NR3C1: variants seen among roughly 807,000 people sequenced by gnomAD.
NR3C1 encodes the protein glucocorticoid receptor.
In NR3C1, 14 loss-of-function variants were observed where a neutral mutation model predicts 74.0. That is an observed-to-expected ratio of 0.19 (90% CI 0.12 to 0.30). The LOEUF is 0.30. Ranked by LOEUF, NR3C1 falls within the 10% of genes least tolerant of loss-of-function variation. NR3C1 has a pLI of 1.00. For missense variants in NR3C1, 695 were observed against 909.8 expected, an observed-to-expected ratio of 0.76 and a Z score of 3.04; for synonymous variants, 308 against 332.5, an observed-to-expected ratio of 0.93 and a Z score of 0.80.
At chr5:143,295,044 T>C in intron 7 of NR3C1, 1 of 985,444 alleles carries the variant, frequency 1.0e-6, no homozygotes, top group Non-Finnish European at 1.2e-6. Context: ...TTTTCTAGGA[T>C]GCGCCTTTTT....
intron 2 of NR3C1, among the ~76,000 whole-genome samples, chr5:143,392,500 T>G (rs1487425572): frequency 2.6e-5 from 4 of 152,154 alleles, no homozygotes; most frequent in Non-Finnish European, 5.9e-5. Context: ...TCCCTTCAGA[T>G]AAGTGTTAAG....
In NR3C1 at chr5:143,281,766, CA is replaced by C; in HGVS notation, c.*122del. The C allele has an allele frequency of 1.8e-6, 2 of 1,141,292 alleles. No individual in the cohort carries two copies. The highest frequency in any genetic ancestry group is 2.5e-6 in the Non-Finnish European group (2 of 790,134). 70.7% of individuals were successfully genotyped at this position (1,141,292 alleles called of 1,614,324 possible). A position where few individuals can be genotyped will look rare whatever the true frequency, so the allele number is the denominator to read the frequency against. On this transcript the variant is annotated 3_prime_UTR_variant, in exon 9 of 9. Transcript: ENST00000394464. ...AACCACATGTAGTGCGTATTTAAAA[CA>C]AAACAACAGATGAAAACAATAAAAA...
At chr5:143,394,930 C>T (rs950627642) in intron 2 of NR3C1, among the ~76,000 whole-genome samples, 1 of 151,914 alleles carries the variant, frequency 6.6e-6, no homozygotes, top group Non-Finnish European at 1.5e-5. Flanking sequence ...CACCCTCCAC[C>T]CCCAATTAAT....
At chr5:143,354,173 A>G (rs1381264114) in intron 2 of NR3C1, among the ~76,000 whole-genome samples, 1 of 152,230 alleles carries the variant, frequency 6.6e-6, no homozygotes, top group Non-Finnish European at 1.5e-5. Flanking sequence ...TTTGGCTTAA[A>G]GGAATGTTGT....
In NR3C1 at chr5:143,278,206, T is replaced by A. The variant is rs1191503947; in HGVS notation, c.*3683A>T. 2 of 152,176 alleles carry A rather than the reference T, an allele frequency of 1.3e-5. No individual in the cohort carries two copies. Among genetic ancestry groups the A allele is most frequent in the African/African-American group, 4.8e-5 (2 of 41,454 alleles). The allele number at this position is 152,176 out of a possible 1,614,324, so 9.4% of individuals were successfully genotyped here. A position where few individuals can be genotyped will look rare whatever the true frequency, so the allele number is the denominator to read the frequency against. The stretch of plus-strand genomic sequence containing the variant: ...TTATTTTTAAACAGGAGTCACTGGT[T>A]TTAATTTTTACACATTTTAAAATTA... On this transcript the variant is annotated 3_prime_UTR_variant, in exon 9 of 9. Coordinates refer to ENST00000394464, the MANE Select transcript of NR3C1 (RefSeq NM_000176.3).
At chr5:143,393,901 C>G (rs1157267677) in intron 2 of NR3C1, among the ~76,000 whole-genome samples, 2 of 151,940 alleles carry the variant, frequency 1.3e-5, no homozygotes, top group Non-Finnish European at 2.9e-5. Flanking sequence ...TAAGTTAACA[C>G]TTTTTGCAAC....
intron 2 of NR3C1, among the ~76,000 whole-genome samples, chr5:143,335,797 C>T (rs564652752): frequency 3.7e-4 from 57 of 152,290 alleles, no homozygotes; most frequent in African/African-American, 1.4e-3. Flanking sequence ...TGGTTTTTCA[C>T]TATTATAAAT....
chr5:143,326,372 G>A (rs1166195207), intron 2 of NR3C1, among the ~76,000 whole-genome samples: 1 of 152,124 alleles, frequency 6.6e-6, no homozygotes, highest in Non-Finnish European at 1.5e-5. Context: ...TCACAATGGA[G>A]CACAAATTAT....
rs577940106 is a variant in NR3C1 at position 143,358,163 on chromosome 5, G to A, written c.1184+41493C>T. ...TCCTCTCTTGCCAGCAGCACTTCCC[G>A]TTCACCACCCCAATAAATTAAACAT... On this transcript the variant is annotated intron_variant, in intron 2 of 8. Coordinates refer to ENST00000394464, the MANE Select transcript of NR3C1 (RefSeq NM_000176.3). 4.8e-4 allele frequency among the ~76,000 whole-genome samples: 73 copies of A among 152,200 alleles called. 1 individual carries two copies. The South Asian group carries it at 0.014, about 29-fold the overall frequency.
intron 2 of NR3C1, among the ~76,000 whole-genome samples, chr5:143,325,885 AG>A (rs1824498279): frequency 6.6e-6 from 1 of 152,226 alleles, no homozygotes; most frequent in Admixed American, 6.5e-5. Context: ...ATTATATAAA[AG>A]TTATATAGCA....
intron 2 of NR3C1, among the ~76,000 whole-genome samples, chr5:143,326,960 A>G (rs1824730010): frequency 1.3e-5 from 2 of 152,236 alleles, no homozygotes; most frequent in South Asian, 4.1e-4. Flanking sequence ...ACACTGAAGT[A>G]CCACAATGTA....
chr5:143,377,174 A>T lies in NR3C1; in HGVS notation c.1184+22482T>A, dbSNP rs539950117. Among the ~76,000 whole-genome samples, 3 of 152,288 alleles carry T rather than the reference A, an allele frequency of 2.0e-5. No homozygotes were observed. In the South Asian group the frequency reaches 6.2e-4, roughly 32 times the overall value. On this transcript the variant is annotated intron_variant, in intron 2 of 8. Coordinates refer to ENST00000394464, the MANE Select transcript of NR3C1 (RefSeq NM_000176.3). The stretch of plus-strand genomic sequence containing the variant: ...TGTAACCTTTCCCTAATGAAGCATA[A>T]ATTCATTCACTTCTTTTTAACAATC...
At chr5:143,285,518 T>C (rs985940085) in intron 7 of NR3C1, among the ~76,000 whole-genome samples, 1 of 152,154 alleles carries the variant, frequency 6.6e-6, no homozygotes, top group African/African-American at 2.4e-5. Flanking sequence ...ATCTAGAACA[T>C]AAAACAAGTC....
At chr5:143,349,488 T>A (rs778508157) in intron 2 of NR3C1, among the ~76,000 whole-genome samples, 2 of 152,168 alleles carry the variant, frequency 1.3e-5, no homozygotes, top group Non-Finnish European at 2.9e-5. Flanking sequence ...CTGCCATGCA[T>A]CAGTATCCAC....
At chr5:143,391,781 C>A (rs1029294438) in intron 2 of NR3C1, among the ~76,000 whole-genome samples, 1 of 152,116 alleles carries the variant, frequency 6.6e-6, no homozygotes, top group Admixed American at 6.5e-5. Context: ...CGATCCATGA[C>A]CCTTCAGGGA....
chr5:143,404,413 C>A, upstream of NR3C1: 2 of 985,570 alleles, frequency 2.0e-6, no homozygotes, highest in Non-Finnish European at 2.4e-6. Flanking sequence ...GCAGGTCCCC[C>A]ACCACCGCAT....
chr5:143,384,647 T>C (rs1836845328), intron 2 of NR3C1, among the ~76,000 whole-genome samples: 1 of 152,292 alleles, frequency 6.6e-6, no homozygotes, highest in African/African-American at 2.4e-5. Flanking sequence ...CTCCTTTGAC[T>C]CCACGTCTCA....
chr5:143,300,915 G>T lies in NR3C1; in HGVS notation c.1469-152C>A. The T allele has an allele frequency of 1.1e-6, 1 of 926,102 alleles. No homozygotes were observed. The highest frequency in any genetic ancestry group is 1.6e-6 in the Non-Finnish European group (1 of 645,122). The allele number at this position is 926,102 out of a possible 1,614,324, so 57.4% of individuals were successfully genotyped here. ...TATGATAAAGTGACATGGAAAAGGA[G>T]AAAAAACTTTTTTTTTTCTGAAAGC... On this transcript the variant is annotated intron_variant, in intron 4 of 8. Transcript: ENST00000394464. This position sits in a 1 kb window ranked among gnomAD's most constrained non-coding sequence, Gnocchi z 5.2.
intron 2 of NR3C1, among the ~76,000 whole-genome samples, chr5:143,316,249 A>G (rs1341771400): frequency 6.6e-6 from 1 of 152,014 alleles, no homozygotes; most frequent in African/African-American, 2.4e-5. Flanking sequence ...GGGAAGCAAA[A>G]ACTCCTCTGG....
Sources: allele counts gnomAD v4.1 joint callset (sites outside exome capture counted in the v4.1 genomes callset), GRCh38; gene constraint gnomAD v4.1.1; non-coding constraint Gnocchi (gnomAD v3.1); transcripts MANE v1.5; gene names NCBI Gene and HGNC (gene_info 2026-07-23, HGNC 2026-07-21).